RAD50: variants seen among roughly 807,000 people sequenced by gnomAD.
RAD50 encodes the protein DNA repair protein RAD50.
In RAD50, 132 loss-of-function variants were observed where a neutral mutation model predicts 168.8. The ratio of observed to expected loss-of-function variants is 0.78; its 90% CI spans 0.68 to 0.90. The LOEUF (loss-of-function observed/expected upper bound fraction) is 0.90, where lower values mean the gene tolerates loss of function less well. Ranked by LOEUF, RAD50 falls within the 40% of genes least tolerant of loss-of-function variation. The pLI is 0.00. For missense variants in RAD50, 1,347 were observed against 1,534.4 expected, an observed-to-expected ratio of 0.88 and a Z score of 2.04; for synonymous variants, 525 against 497.4, an observed-to-expected ratio of 1.06 and a Z score of -0.74.
intron 9 of RAD50, among the ~76,000 whole-genome samples, chr5:132,590,904 A>G (rs909023446): frequency 2.0e-5 from 3 of 152,254 alleles, no homozygotes; most frequent in Admixed American, 2.0e-4. Context: ...CATAATAAAT[A>G]TTTAATTGTT....
chr5:132,622,086 T>C (rs1446788992), intron 21 of RAD50, among the ~76,000 whole-genome samples: 1 of 152,172 alleles, frequency 6.6e-6, no homozygotes, highest in Non-Finnish European at 1.5e-5. Flanking sequence ...ATACTGCCTA[T>C]TGAGTTGTCA....
chr5:132,583,892 T>C (rs1750549715), intron 5 of RAD50, among the ~76,000 whole-genome samples: 1 of 152,014 alleles, frequency 6.6e-6, no homozygotes, highest in Non-Finnish European at 1.5e-5. Context: ...AGACGGGGTT[T>C]CTCCATGTTG....
At position 132,604,038 on chromosome 5, in the gene RAD50, T is replaced by C. The variant is rs776395588; in HGVS notation, c.2516T>C (p.Leu839Ser). 1 of 1,613,642 alleles carries C rather than the reference T, an allele frequency of 6.2e-7. No individual in the cohort carries two copies. The highest frequency in any genetic ancestry group is 1.1e-5 in the South Asian group (1 of 91,066). Residue 839 changes from leucine to serine, a missense_variant, in exon 15 of 25, where the codon TTA becomes TCA. Physicochemically the swap from Leu to Ser is moderately radical, Grantham distance 145. Coordinates refer to ENST00000378823, the MANE Select transcript of RAD50 (RefSeq NM_005732.4). ...GAGAAACAAGAGAAACAGCACAAGT[T>C]AGACACAGGTAATACAGTCTGTGTC... ...NQEKQEKQHK[L>S]DTVSSKIELN...
At chr5:132,591,085 T>C in intron 9 of RAD50, 139 bp from the exon 10 acceptor site, 3 of 836,304 alleles carry the variant, frequency 3.6e-6, no homozygotes, top group Non-Finnish European at 5.9e-6. Flanking sequence ...TAGTGCCTTA[T>C]GTTTTTTTCT....
At chr5:132,573,067 A>T (rs1750334965) in intron 2 of RAD50, among the ~76,000 whole-genome samples, 1 of 152,220 alleles carries the variant, frequency 6.6e-6, no homozygotes, top group Non-Finnish European at 1.5e-5. Context: ...ATGTGGTAAT[A>T]ATATATCAGT....
chr5:132,587,963 C>T lies in RAD50; in HGVS notation c.925C>T (p.His309Tyr), dbSNP rs876659075. 6.2e-6 allele frequency: 10 copies of T among 1,613,014 alleles called. No individual in the cohort carries two copies. Among genetic ancestry groups the T allele is most frequent in the Non-Finnish European group, 7.6e-6 (9 of 1,179,262 alleles). Residue 309 changes from histidine to tyrosine, a missense_variant, in exon 7 of 25, where the codon CAC becomes TAC. This residue lies in a region of RAD50 where 703 missense variants were observed against 767.7 expected (regional missense o/e 0.92). Coordinates refer to ENST00000378823, the MANE Select transcript of RAD50 (RefSeq NM_005732.4). ...TGATGAGCAACTAAATGACTTATATCACAATCACCAGAGAACAGTAAGGGA... is the reference window on the plus strand; with the variant it reads ...TGATGAGCAACTAAATGACTTATATTACAATCACCAGAGAACAGTAAGGGA... ...GTDEQLNDLY[H>Y]NHQRTVREKE...
intron 24 of RAD50, 37 bp downstream of exon 24, chr5:132,640,842 A>G (rs751057876): frequency 3.7e-6 from 6 of 1,613,414 alleles, no homozygotes; most frequent in Non-Finnish European, 5.1e-6. Context: ...TTGAGTAAGT[A>G]TCTCACATTT....
At position 132,642,617 on chromosome 5, in the gene RAD50, C is replaced by T; in HGVS notation, c.*253C>T. The T allele has an allele frequency of 1.8e-6, 1 of 540,878 alleles. No homozygotes were observed. Among genetic ancestry groups the T allele is most frequent in the Non-Finnish European group, 3.3e-6 (1 of 303,004 alleles). The allele number at this position is 540,878 out of a possible 1,614,324, so 33.5% of individuals were successfully genotyped here. A position where few individuals can be genotyped will look rare whatever the true frequency, so the allele number is the denominator to read the frequency against. ...CCTCTGTCAGGCCTTCAGGGTTCAG[C>T]AGTACAGCCGAGACTCGACTCTGTG... is the stretch of plus-strand genomic sequence containing the variant. On this transcript the variant is annotated 3_prime_UTR_variant, in exon 25 of 25. Coordinates refer to ENST00000378823, the MANE Select transcript of RAD50 (RefSeq NM_005732.4).
rs1490780385 is a variant in RAD50 at position 132,588,899 on chromosome 5, A to T, written c.1245+19A>T. 1.9e-6 allele frequency: 3 copies of T among 1,594,336 alleles called. No individual in the cohort carries two copies. The African/African-American group carries it at 4.0e-5, about 21-fold the overall frequency. ...ACTGATGGCAAGTATTTTGAAATAC[A>T]GTATTTGTTATTTTGTTTGCATCAT... On this transcript the variant is annotated intron_variant, in intron 8 of 24. Coordinates refer to ENST00000378823, the MANE Select transcript of RAD50 (RefSeq NM_005732.4).
chr5:132,634,809 ATTAT>A lies in RAD50; in HGVS notation c.3390-2303_3390-2300del, dbSNP rs1188412355. 7.2e-5 allele frequency among the ~76,000 whole-genome samples: 11 copies of A among 152,280 alleles called. 1 individual carries two copies. The South Asian group carries it at 1.9e-3, about 26-fold the overall frequency. On this transcript the variant is annotated intron_variant, in intron 21 of 24. Transcript: ENST00000378823. ...ATGTTTTTATGACATCTATTGAAAAATTATTTTTTTCTTTTTAATCTGCTACTAT... is the reference window on the plus strand; with the variant it reads ...ATGTTTTTATGACATCTATTGAAAAATTTTTTCTTTTTAATCTGCTACTAT...
chr5:132,622,602 CTTAG>C (rs1751305104), intron 21 of RAD50, among the ~76,000 whole-genome samples: 1 of 151,952 alleles, frequency 6.6e-6, no homozygotes, highest in East Asian at 1.9e-4. Flanking sequence ...TATTTTCTTC[CTTAG>C]TATTTTGATT....
At chr5:132,562,954 A>G (rs1416584970) in intron 2 of RAD50, among the ~76,000 whole-genome samples, 4 of 152,220 alleles carry the variant, frequency 2.6e-5, no homozygotes, top group African/African-American at 7.2e-5. Flanking sequence ...GAAATCATCA[A>G]CTGTGTCAAA....
chr5:132,575,063 T>A (rs1750369361), intron 2 of RAD50, among the ~76,000 whole-genome samples: 1 of 152,236 alleles, frequency 6.6e-6, no homozygotes, highest in Admixed American at 6.5e-5. Context: ...TTTCACATTT[T>A]CGGATAACTT....
intron 2 of RAD50, among the ~76,000 whole-genome samples, chr5:132,569,231 A>C (rs1159218530): frequency 6.6e-6 from 1 of 152,200 alleles, no homozygotes; most frequent in East Asian, 1.9e-4. Context: ...AAGCATAATG[A>C]GAAAAATGGA....
At chr5:132,568,044 G>C (rs1010826771) in intron 2 of RAD50, among the ~76,000 whole-genome samples, 1 of 151,982 alleles carries the variant, frequency 6.6e-6, no homozygotes, top group Non-Finnish European at 1.5e-5. Flanking sequence ...TTTGGAATTA[G>C]CAGACAAGGA....
rs765892279 is a variant in RAD50 at position 132,557,399 on chromosome 5, C to T, written c.75C>T (p.Ile25=). 9.9e-6 allele frequency: 16 copies of T among 1,613,976 alleles called. No homozygotes were observed. The change falls in exon 1 of 25, where the codon ATC becomes ATT. Residue 25 remains isoleucine (I), a synonymous_variant. Coordinates refer to ENST00000378823, the MANE Select transcript of RAD50 (RefSeq NM_005732.4). ...TAGAGGACAAAGATAAGCAAATTAT[C>T]ACTTTCTTCAGCCCCCTTACAATTT... ...FGIEDKDKQI[I]TFFSPLTILV...
chr5:132,577,828 T>TTTTTA (rs1750425602), intron 3 of RAD50, among the ~76,000 whole-genome samples: 1 of 138,042 alleles, frequency 7.2e-6, no homozygotes, highest in African/African-American at 3.0e-5. Flanking sequence ...TTTTTTTTTT[T>TTTTTA]GAGATGGAGT....
intron 5 of RAD50, among the ~76,000 whole-genome samples, chr5:132,586,943 T>C (rs1036667219): frequency 3.9e-5 from 6 of 152,158 alleles, no homozygotes; most frequent in East Asian, 1.9e-4. Flanking sequence ...TTTGGAATCA[T>C]AGAGGCAAAC....
chr5:132,573,341 T>C (rs909794120), intron 2 of RAD50, among the ~76,000 whole-genome samples: 2 of 152,208 alleles, frequency 1.3e-5, no homozygotes, highest in South Asian at 2.1e-4. Flanking sequence ...GTGAAAGTCA[T>C]GTCTCACATG....
Sources: gnomAD v4.1 joint callset for allele counts (sites outside exome capture counted in the v4.1 genomes callset) on GRCh38, gnomAD v4.1.1 for gene constraint, gnomAD v4.1.1 regional missense constraint, MANE v1.5 for transcripts, NCBI Gene and HGNC (gene_info 2026-07-23, HGNC 2026-07-21) for gene names.